EMILIN2: variants seen among roughly 807,000 people sequenced by gnomAD.
EMILIN2 encodes the protein EMILIN-2.
Under a neutral mutation model 87.1 loss-of-function variants are expected in EMILIN2, and 71 were observed. The observed-to-expected ratio is 0.82, with a 90% confidence interval of 0.67 to 0.99. EMILIN2 has a LOEUF of 0.99. Among genes scored for constraint, EMILIN2 ranks in the 50% least tolerant of loss-of-function variants. The pLI is 0.00. For missense variants in EMILIN2, 1,407 were observed against 1,371.8 expected, an observed-to-expected ratio of 1.03 and a Z score of -0.40; for synonymous variants, 581 against 563.4, an observed-to-expected ratio of 1.03 and a Z score of -0.44.
chr18:2,889,136 T>C (rs2076819340), intron 3 of EMILIN2, among the ~76,000 whole-genome samples: 1 of 104,228 alleles, frequency 9.6e-6, no homozygotes, highest in Non-Finnish European at 1.9e-5. Flanking sequence ...TTCTTTTCTT[T>C]TTTTTTTTTT....
chr18:2,906,773 C>A lies in EMILIN2; in HGVS notation c.2360-10C>A. ...ATCCCGTGTGTTTCTTTCTCCCCGA[C>A]GCCCGGCAGAGGCGCCCTCGCCCCC... On this transcript the variant is annotated splice_polypyrimidine_tract_variant and intron_variant, in intron 4 of 7. Transcript: ENST00000254528. 7.9e-7 allele frequency: 1 copy of A among 1,258,010 alleles called. No homozygotes were observed. Among genetic ancestry groups the A allele is most frequent in the Non-Finnish European group, 9.9e-7 (1 of 1,005,268 alleles). The allele number at this position is 1,258,010 out of a possible 1,614,324, so 77.9% of individuals were successfully genotyped here. A position where few individuals can be genotyped will look rare whatever the true frequency, so the allele number is the denominator to read the frequency against.
chr18:2,905,169 A>C (rs1021807455), intron 4 of EMILIN2, among the ~76,000 whole-genome samples: 8 of 151,922 alleles, frequency 5.3e-5, no homozygotes, highest in African/African-American at 1.9e-4. Flanking sequence ...TATCATCCTC[A>C]GGGAAAACTG....
At chr18:2,858,328 C>A (rs1023056562) in intron 2 of EMILIN2, among the ~76,000 whole-genome samples, 1 of 150,722 alleles carries the variant, frequency 6.6e-6, no homozygotes, top group Admixed American at 6.6e-5. Context: ...TCCTTTTCCC[C>A]TGAGTCCCCA....
intron 2 of EMILIN2, among the ~76,000 whole-genome samples, chr18:2,852,561 C>T (rs1305708331): frequency 3.3e-5 from 5 of 152,236 alleles, no homozygotes; most frequent in Admixed American, 3.3e-4. Context: ...CTCTATTGCC[C>T]AGGCTGGAGC....
intron 2 of EMILIN2, among the ~76,000 whole-genome samples, chr18:2,879,070 T>C (rs1383693600): frequency 1.3e-5 from 2 of 151,948 alleles, no homozygotes; most frequent in Non-Finnish European, 2.9e-5. Flanking sequence ...CTCTGGGACA[T>C]GTGGGTATTT....
At chr18:2,867,891 C>G (rs1445425173) in intron 2 of EMILIN2, among the ~76,000 whole-genome samples, 3 of 152,008 alleles carry the variant, frequency 2.0e-5, no homozygotes, top group Non-Finnish European at 4.4e-5. Flanking sequence ...GGGTGGTGGC[C>G]GGGCAGAGGG....
chr18:2,882,531 G>A (rs1428104359), intron 2 of EMILIN2, among the ~76,000 whole-genome samples: 3 of 152,066 alleles, frequency 2.0e-5, no homozygotes, highest in Non-Finnish European at 2.9e-5. Context: ...GATCACTTGA[G>A]GCCATGGGCT....
chr18:2,891,395 C>A lies in EMILIN2; in HGVS notation c.1268C>A (p.Thr423Asn), dbSNP rs1420524048. The A allele has an allele frequency of 1.2e-6, 2 of 1,614,152 alleles. No homozygotes were observed. The highest frequency in any genetic ancestry group is 1.7e-5 in the Admixed American group (1 of 60,024). Residue 423 changes from threonine (T) to asparagine (N), a missense_variant, in exon 4 of 8, where the codon ACC becomes AAC. Physicochemically the swap from Thr to Asn is moderately conservative, Grantham distance 65. Transcript: ENST00000254528. The surrounding 1 kb of genome is among the most constrained non-coding windows in gnomAD (Gnocchi z 4.6). Reference sequence around the variant, plus strand: ...AAAATCGAGAGAGTTGCTGAAGCCACCAGAATGCTGAATGGAAGACTGGAC... The same window carrying A: ...AAAATCGAGAGAGTTGCTGAAGCCAACAGAATGCTGAATGGAAGACTGGAC... ...DQKIERVAEA[T>N]RMLNGRLDNE...
chr18:2,869,768 C>CTGTGTG (rs137882349), intron 2 of EMILIN2, among the ~76,000 whole-genome samples: 7 of 143,916 alleles, frequency 4.9e-5, no homozygotes, highest in Non-Finnish European at 1.0e-4. Context: ...ATAGATTCCT[C>CTGTGTG]TGTGTGTGTG....
chr18:2,868,468 C>G (rs561895517), intron 2 of EMILIN2, among the ~76,000 whole-genome samples: 49 of 152,342 alleles, frequency 3.2e-4, no homozygotes, highest in South Asian at 2.1e-3. Flanking sequence ...TGGTTGCAGC[C>G]AGCCAAGATC....
At chr18:2,859,544 C>G (rs1266362974) in intron 2 of EMILIN2, among the ~76,000 whole-genome samples, 2 of 152,128 alleles carry the variant, frequency 1.3e-5, no homozygotes, top group African/African-American at 4.8e-5. Context: ...CTGACTGTTC[C>G]TTTTGCCTTG....
chr18:2,886,783 C>G (rs1361438453), intron 3 of EMILIN2, among the ~76,000 whole-genome samples: 1 of 152,146 alleles, frequency 6.6e-6, no homozygotes, highest in East Asian at 1.9e-4. Flanking sequence ...GCTTAGTTTT[C>G]TCTCTTTTTA....
chr18:2,905,300 C>CGG (rs397948248), intron 4 of EMILIN2, among the ~76,000 whole-genome samples: 563 of 44,252 alleles, frequency 0.013, 5 homozygotes, highest in Admixed American at 0.016. Flanking sequence ...GTGGGTGGGG[C>CGG]GGGGGGGGGG....
chr18:2,899,310 C>T (rs1166911879), intron 4 of EMILIN2, among the ~76,000 whole-genome samples: 1 of 152,096 alleles, frequency 6.6e-6, no homozygotes, highest in African/African-American at 2.4e-5. Context: ...ACAGAATGAA[C>T]CACTGACTGA....
intron 2 of EMILIN2, among the ~76,000 whole-genome samples, chr18:2,864,156 G>A (rs1376411873): frequency 1.3e-5 from 2 of 152,004 alleles, no homozygotes; most frequent in African/African-American, 4.8e-5. Flanking sequence ...CACACTGTTG[G>A]GTCTTGACTC....
chr18:2,881,201 CT>C (rs1319097662), intron 2 of EMILIN2, among the ~76,000 whole-genome samples: 4 of 152,218 alleles, frequency 2.6e-5, no homozygotes, highest in African/African-American at 9.7e-5. Context: ...TGAGATCCAG[CT>C]TTGTCATCGT....
rs2076579290 is a variant in EMILIN2 at position 2,847,241 on chromosome 18, C to T, written c.53C>T (p.Ala18Val). ...CGCGTGCCCTGGCGCTGGGCGCTGG[C>T]GCTGCTGGCCCTGGTTGGCGCGGGG... ...WPRVPWRWAL[A>V]LLALVGAGLC... The change falls in exon 1 of 8, where the codon GCG becomes GTG. Residue 18 changes from alanine (A) to valine (V), a missense_variant. By Grantham distance (64) the Ala-to-Val change is moderately conservative (BLOSUM62 0). Coordinates refer to ENST00000254528, the MANE Select transcript of EMILIN2 (RefSeq NM_032048.3). The surrounding 1 kb of genome is among the most constrained non-coding windows in gnomAD (Gnocchi z 4.5). The T allele has an allele frequency of 7.9e-7, 1 of 1,272,464 alleles. No individual in the cohort carries two copies. Among genetic ancestry groups the T allele is most frequent in the Non-Finnish European group, 9.9e-7 (1 of 1,011,236 alleles). The allele number at this position is 1,272,464 out of a possible 1,614,324, so 78.8% of individuals were successfully genotyped here.
chr18:2,847,268 T>C lies in EMILIN2; in HGVS notation c.80T>C (p.Leu27Pro), dbSNP rs1158735911. The change falls in exon 1 of 8, where the codon CTG becomes CCG. Residue 27 changes from leucine (L) to proline (P), a missense_variant. Coordinates refer to ENST00000254528, the MANE Select transcript of EMILIN2 (RefSeq NM_032048.3). This position sits in a 1 kb window ranked among gnomAD's most constrained non-coding sequence, Gnocchi z 4.5. ...LALLALVGAG[L>P]CHAGPQPGYP... ...CTGCTGGCCCTGGTTGGCGCGGGGC[T>C]GTGCCACGCCGGCCCGCAGCCCGGG... 3.8e-6 allele frequency: 5 copies of C among 1,314,386 alleles called. No individual in the cohort carries two copies. The highest frequency in any genetic ancestry group is 4.0e-5 in the Admixed American group (1 of 25,150). 81.4% of individuals were successfully genotyped at this position (1,314,386 alleles called of 1,614,324 possible).
In EMILIN2 at chr18:2,913,158, C is replaced by A; in HGVS notation, c.2916C>A (p.Val972=). The A allele has an allele frequency of 1.9e-6, 3 of 1,614,028 alleles. No individual in the cohort carries two copies. ...RDAYVEAVLS[V]SNASVAQLHT... is the part of the protein sequence containing the mutation. ...CCTACGTGGAAGCAGTGCTGTCGGTCTCCAACGCCAGCGTGGCCCAGCTGC... is the reference window on the plus strand; with the variant it reads ...CCTACGTGGAAGCAGTGCTGTCGGTATCCAACGCCAGCGTGGCCCAGCTGC... Residue 972 remains valine (V), a synonymous_variant, in exon 8 of 8, where the codon GTC becomes GTA. Coordinates refer to ENST00000254528, the MANE Select transcript of EMILIN2 (RefSeq NM_032048.3).
Sources: allele counts gnomAD v4.1 joint callset (sites outside exome capture counted in the v4.1 genomes callset), GRCh38; gene constraint gnomAD v4.1.1; non-coding constraint Gnocchi (gnomAD v3.1); transcripts MANE v1.5; gene names NCBI Gene and HGNC (gene_info 2026-07-23, HGNC 2026-07-21).